The following PXK variants were observed in gnomAD, a reference collection of about 807,000 sequenced individuals.
PXK encodes the protein PX domain-containing protein kinase-like protein.
A neutral mutation model predicts 84.7 loss-of-function variants in PXK; 35 were observed. That is an observed-to-expected ratio of 0.41 (90% confidence interval 0.32 to 0.55). The LOEUF (loss-of-function observed/expected upper bound fraction) is 0.55. Ranked by LOEUF, PXK falls within the 20% of genes least tolerant of loss-of-function variation. The probability of loss-of-function intolerance (pLI) is 0.21; values close to 1 mark genes in which losing one functional copy is unlikely to be tolerated. For synonymous variants in PXK, 253 were observed against 260.8 expected, an observed-to-expected ratio of 0.97 and a Z score of 0.29; for missense variants, 634 against 699.7, an observed-to-expected ratio of 0.91 and a Z score of 1.06.
chr3:58,392,717 A>G (rs1052223018), intron 7 of PXK, among the ~76,000 whole-genome samples: 5 of 150,684 alleles, frequency 3.3e-5, no homozygotes, highest in Non-Finnish European at 7.4e-5. Context: ...GCTGGAATGC[A>G]GTGGTGCGAT....
chr3:58,362,770 G>A (rs1400986156), intron 1 of PXK, among the ~76,000 whole-genome samples: 2 of 152,212 alleles, frequency 1.3e-5, no homozygotes, highest in Admixed American at 6.5e-5. Context: ...CTGGAGTGCA[G>A]TGGCATGATC....
intron 1 of PXK, among the ~76,000 whole-genome samples, chr3:58,345,671 CAACT>C (rs750376204): frequency 2.0e-5 from 3 of 152,096 alleles, no homozygotes; most frequent in Non-Finnish European, 2.9e-5. Flanking sequence ...TGTGATAAAC[CAACT>C]GAGTTATGAG....
intron 1 of PXK, among the ~76,000 whole-genome samples, chr3:58,356,076 A>G (rs1271917642): frequency 6.6e-6 from 1 of 152,170 alleles, no homozygotes. Flanking sequence ...GTTTTAAGTT[A>G]ATTATCTCTT....
At chr3:58,419,563 T>C (rs1052656741) in intron 17 of PXK, among the ~76,000 whole-genome samples, 1 of 152,216 alleles carries the variant, frequency 6.6e-6, no homozygotes, top group Non-Finnish European at 1.5e-5. Context: ...AAGTTATTTC[T>C]TTATGGACAG....
At chr3:58,423,267 T>C in intron 17 of PXK, 1 of 973,680 alleles carries the variant, frequency 1.0e-6, no homozygotes, top group South Asian at 4.7e-5. Flanking sequence ...CCTGGTGACA[T>C]AAAGCCAGGA....
chr3:58,402,745 T>G (rs566751387), intron 12 of PXK, among the ~76,000 whole-genome samples: 3 of 140,870 alleles, frequency 2.1e-5, no homozygotes, highest in Non-Finnish European at 4.7e-5. Flanking sequence ...CTATTGTTTT[T>G]AATAATATAC....
At chr3:58,377,952 C>G (rs2098457636) in intron 3 of PXK, among the ~76,000 whole-genome samples, 3 of 152,142 alleles carry the variant, frequency 2.0e-5, no homozygotes, top group African/African-American at 7.2e-5. Context: ...GGTGCTGCCC[C>G]CAGAGTGGGG....
chr3:58,421,358 G>A lies in PXK; in HGVS notation c.1529-3394G>A, dbSNP rs941925656. The A allele has an allele frequency of 1.0e-6, 1 of 957,690 alleles. No individual in the cohort carries two copies. Among genetic ancestry groups the A allele is most frequent in the African/African-American group, 1.9e-5 (1 of 53,120 alleles). The allele number at this position is 957,690 out of a possible 1,614,324, so 59.3% of individuals were successfully genotyped here. On this transcript the variant is annotated intron_variant, in intron 17 of 17. Coordinates refer to ENST00000356151, the MANE Select transcript of PXK (RefSeq NM_017771.5). This position sits in a 1 kb window ranked among gnomAD's most constrained non-coding sequence, Gnocchi z 5.5. The stretch of plus-strand genomic sequence containing the variant: ...GCACTTTGGGAGGCTGAGGCGGGCG[G>A]ATCACAAGGATCAGGAGTTCAAGAC...
rs540249720 is a variant in PXK at position 58,346,164 on chromosome 3, A to C, written c.102+13074A>C. 1.1e-4 allele frequency among the ~76,000 whole-genome samples: 17 copies of C among 152,310 alleles called. No individual in the cohort carries two copies. In the South Asian group the frequency reaches 3.5e-3, roughly 32 times the overall value. ...TGGGGTGGGGTAAAAGATGGAAAAG[A>C]AAGGTTAGAGCCAATTGTGGGGCCT... On this transcript the variant is annotated intron_variant, in intron 1 of 17. Transcript: ENST00000356151.
At chr3:58,382,003 A>G (rs1438114556) in intron 3 of PXK, among the ~76,000 whole-genome samples, 1 of 152,154 alleles carries the variant, frequency 6.6e-6, no homozygotes, top group African/African-American at 2.4e-5. Context: ...AAAGCACATT[A>G]AAAAAATAAA....
chr3:58,382,792 A>G (rs937450497), intron 4 of PXK, 92 bp downstream of exon 4: 3 of 981,334 alleles, frequency 3.1e-6, no homozygotes, highest in Non-Finnish European at 4.3e-6. Flanking sequence ...TGTTTTCTCA[A>G]AATGGGGATG....
chr3:58,381,050 C>T (rs2098495698), intron 3 of PXK, among the ~76,000 whole-genome samples: 1 of 151,930 alleles, frequency 6.6e-6, no homozygotes, highest in Non-Finnish European at 1.5e-5. Context: ...AGATCGAGAC[C>T]ATCCTGGCTA....
rs1055427739 is a variant in PXK, at chr3:58,353,121, C to T, written c.103-12753C>T. On this transcript the variant is annotated intron_variant, in intron 1 of 17. Transcript: ENST00000356151. ...ACGCCGTTCTCCTGCCTCAGCCTCC[C>T]GAATAGCTGGGACTACAGGCGCCCG... 3.9e-5 allele frequency among the ~76,000 whole-genome samples: 6 copies of T among 152,170 alleles called. No homozygotes were observed. The East Asian group carries it at 5.8e-4, about 15-fold the overall frequency.
chr3:58,408,983 A>G lies in PXK; in HGVS notation c.1290A>G (p.Leu430=), dbSNP rs776643554. ...RIAKECIEKR[L]IEEQKQIHQH... ...CCAAAGAATGTATAGAGAAGAGACT[A>G]ATTGAGGAACAGAAACAGGTAAATT... The change falls in exon 14 of 18, where the codon CTA becomes CTG. Residue 430 remains leucine, a synonymous_variant. Coordinates refer to ENST00000356151, the MANE Select transcript of PXK (RefSeq NM_017771.5). 6.3e-7 allele frequency: 1 copy of G among 1,586,134 alleles called. No homozygotes were observed. The highest frequency in any genetic ancestry group is 8.7e-7 in the Non-Finnish European group (1 of 1,154,840).
At chr3:58,372,773 C>T (rs183550024) in intron 3 of PXK, among the ~76,000 whole-genome samples, 36 of 152,048 alleles carry the variant, frequency 2.4e-4, no homozygotes, top group South Asian at 2.1e-4. Flanking sequence ...ATTACAGGCA[C>T]GTGCCACCAT....
At position 58,370,492 on chromosome 3, in the gene PXK, C is replaced by T. The variant is rs1279123733; in HGVS notation, c.201+1014C>T. ...TTCAGGTTTGATTGGTAACATAAAACCCTTTAAACCTGAGGAAGAGTGCAC... is the reference window on the plus strand; with the variant it reads ...TTCAGGTTTGATTGGTAACATAAAATCCTTTAAACCTGAGGAAGAGTGCAC... On this transcript the variant is annotated intron_variant, in intron 3 of 17. Coordinates refer to ENST00000356151, the MANE Select transcript of PXK (RefSeq NM_017771.5). The surrounding 1 kb of genome is among the most constrained non-coding windows in gnomAD (Gnocchi z 4.2). Among the ~76,000 whole-genome samples the T allele has an allele frequency of 6.6e-6, 1 of 152,082 alleles. No homozygotes were observed. The highest frequency in any genetic ancestry group is 2.4e-5 in the African/African-American group (1 of 41,398).
chr3:58,381,587 T>C (rs1231093744), intron 3 of PXK, among the ~76,000 whole-genome samples: 2 of 148,346 alleles, frequency 1.3e-5, no homozygotes, highest in Admixed American at 1.3e-4. Context: ...TACAAGTTGC[T>C]GTAAAGGAAA....
At chr3:58,373,175 T>C (rs1411184941) in intron 3 of PXK, among the ~76,000 whole-genome samples, 4 of 151,730 alleles carry the variant, frequency 2.6e-5, no homozygotes, top group Non-Finnish European at 5.9e-5. Flanking sequence ...CCTCCCAGGT[T>C]CACGCCATTC....
chr3:58,380,779 ACT>A (rs2098491496), intron 3 of PXK, among the ~76,000 whole-genome samples: 2 of 151,922 alleles, frequency 1.3e-5, no homozygotes, highest in South Asian at 2.1e-4. Flanking sequence ...ACAGAGGGAG[ACT>A]CTGTCTCAAA....
Sources: gnomAD v4.1 joint callset for allele counts (sites outside exome capture counted in the v4.1 genomes callset) on GRCh38, gnomAD v4.1.1 for gene constraint, Gnocchi (gnomAD v3.1) non-coding constraint, MANE v1.5 for transcripts, NCBI Gene and HGNC (gene_info 2026-07-23, HGNC 2026-07-21) for gene names.